Variants in ADAMTS19 observed in about 807,000 individuals in gnomAD.
ADAMTS19 encodes A disintegrin and metalloproteinase with thrombospondin motifs 19.
In ADAMTS19, 93 loss-of-function variants were observed where a neutral mutation model predicts 153.3. The ratio of observed to expected loss-of-function variants is 0.61; its 90% CI spans 0.51 to 0.72. ADAMTS19 has a LOEUF of 0.72. ADAMTS19 is among the 30% of genes least tolerant of loss of function. The pLI is 0.00. For missense variants in ADAMTS19, 1,482 were observed against 1,552.1 expected, an observed-to-expected ratio of 0.95 and a Z score of 0.76; for synonymous variants, 600 against 556.6, an observed-to-expected ratio of 1.08 and a Z score of -1.10.
chr5:129,710,300 T>C (rs1270718609), intron 21 of ADAMTS19, among the ~76,000 whole-genome samples: 1 of 152,192 alleles, frequency 6.6e-6, no homozygotes, highest in Admixed American at 6.5e-5. Flanking sequence ...AAAGACATGA[T>C]CTCATTCCTT....
intron 21 of ADAMTS19, among the ~76,000 whole-genome samples, chr5:129,706,399 G>T (rs912649911): frequency 6.6e-6 from 1 of 151,894 alleles, no homozygotes; most frequent in African/African-American, 2.4e-5. Context: ...GAGAAACCCC[G>T]TCTCTACTGA....
intron 16 of ADAMTS19, among the ~76,000 whole-genome samples, chr5:129,669,256 G>A (rs1231771554): frequency 6.6e-6 from 1 of 151,858 alleles, no homozygotes; most frequent in African/African-American, 2.4e-5. Context: ...TTTGTCCAGG[G>A]CTTTTGATTT....
chr5:129,510,220 T>G (rs1440293340), intron 3 of ADAMTS19, among the ~76,000 whole-genome samples: 1 of 151,888 alleles, frequency 6.6e-6, no homozygotes, highest in East Asian at 1.9e-4. Context: ...ATTAGATATG[T>G]GCATGGTGAC....
At chr5:129,647,147 A>T (rs990191811) in intron 11 of ADAMTS19, among the ~76,000 whole-genome samples, 2 of 151,320 alleles carry the variant, frequency 1.3e-5, no homozygotes, top group African/African-American at 4.9e-5. Flanking sequence ...TTCAGCATCT[A>T]ATTGCCCACG....
intron 8 of ADAMTS19, among the ~76,000 whole-genome samples, chr5:129,616,102 G>A (rs576677950): frequency 5.3e-5 from 8 of 151,794 alleles, no homozygotes; most frequent in East Asian, 1.9e-4. Flanking sequence ...AGTAAAAGTA[G>A]GTTTCATTGT....
intron 13 of ADAMTS19, among the ~76,000 whole-genome samples, chr5:129,652,550 A>C (rs1460386463): frequency 6.6e-6 from 1 of 152,248 alleles, no homozygotes. Context: ...CTGCCTGCCA[A>C]GTATGGCATG....
chr5:129,548,034 T>C (rs1454804338), intron 6 of ADAMTS19, among the ~76,000 whole-genome samples: 2 of 150,624 alleles, frequency 1.3e-5, no homozygotes, highest in Non-Finnish European at 2.9e-5. Flanking sequence ...TCAAGATGGA[T>C]TAAAGACTTA....
At chr5:129,629,615 C>T (rs1317966677) in intron 10 of ADAMTS19, among the ~76,000 whole-genome samples, 2 of 152,036 alleles carry the variant, frequency 1.3e-5, no homozygotes, top group Admixed American at 6.6e-5. Flanking sequence ...TAACAACTTA[C>T]ATCTGCAAAG....
At chr5:129,651,139 G>A (rs1753298997) in intron 13 of ADAMTS19, among the ~76,000 whole-genome samples, 1 of 152,034 alleles carries the variant, frequency 6.6e-6, no homozygotes, top group Admixed American at 6.6e-5. Context: ...TGTTTTCACT[G>A]TGCATTTTCT....
At chr5:129,693,044 A>G (rs554139739) in intron 18 of ADAMTS19, among the ~76,000 whole-genome samples, 1 of 152,364 alleles carries the variant, frequency 6.6e-6, no homozygotes, top group East Asian at 1.9e-4. Context: ...AATGGTTTTA[A>G]TAACATTATA....
intron 6 of ADAMTS19, among the ~76,000 whole-genome samples, chr5:129,546,739 AAT>A (rs1381702227): frequency 2.6e-5 from 4 of 151,216 alleles, no homozygotes; most frequent in Non-Finnish European, 5.9e-5. Context: ...GATGCTGAAG[AAT>A]GTACTTAAAG....
At chr5:129,664,327 C>T (rs1156440971) in intron 15 of ADAMTS19, among the ~76,000 whole-genome samples, 2 of 152,112 alleles carry the variant, frequency 1.3e-5, no homozygotes, top group East Asian at 1.9e-4. Flanking sequence ...TCTTACCTGA[C>T]TTCTGTGTGC....
At chr5:129,624,531 A>G (rs1183962218) in intron 10 of ADAMTS19, among the ~76,000 whole-genome samples, 2 of 152,190 alleles carry the variant, frequency 1.3e-5, no homozygotes, top group Non-Finnish European at 2.9e-5. Context: ...GGAGCATTGC[A>G]CAGGAGACAG....
chr5:129,721,757 C>A (rs1757013314), intron 21 of ADAMTS19, among the ~76,000 whole-genome samples: 1 of 152,068 alleles, frequency 6.6e-6, no homozygotes, highest in African/African-American at 2.4e-5. Context: ...CCCTCCCCTT[C>A]TCCACCCCCA....
rs1410282164 is a variant in ADAMTS19, at chr5:129,518,796, C to A, written c.914-7488C>A. 3.9e-5 allele frequency among the ~76,000 whole-genome samples: 6 copies of A among 151,902 alleles called. No homozygotes were observed. The East Asian group carries it at 1.2e-3, about 29-fold the overall frequency. ...TTTCTACCTTTATCTCTTTTTCTAC[C>A]TCTTCTTTAAGGCCAATAACTCTTA... On this transcript the variant is annotated intron_variant, in intron 3 of 22. Transcript: ENST00000274487.
At chr5:129,562,916 A>G (rs754349743) in intron 7 of ADAMTS19, among the ~76,000 whole-genome samples, 15 of 152,062 alleles carry the variant, frequency 9.9e-5, no homozygotes, top group Non-Finnish European at 1.5e-4. Context: ...GGAATGATCC[A>G]GGTTATTCTT....
chr5:129,598,696 G>A (rs1197388157), intron 8 of ADAMTS19, among the ~76,000 whole-genome samples: 1 of 152,104 alleles, frequency 6.6e-6, no homozygotes, highest in Non-Finnish European at 1.5e-5. Context: ...CAGTTGTGTT[G>A]AGAACTTAAA....
chr5:129,690,174 A>T (rs1368071453), intron 18 of ADAMTS19, among the ~76,000 whole-genome samples: 1 of 152,232 alleles, frequency 6.6e-6, no homozygotes, highest in Non-Finnish European at 1.5e-5. Context: ...GAGAACTCAC[A>T]GTCCATCTAG....
chr5:129,657,578 T>C (rs1753598824), intron 14 of ADAMTS19, among the ~76,000 whole-genome samples: 1 of 152,186 alleles, frequency 6.6e-6, no homozygotes, highest in South Asian at 2.1e-4. Flanking sequence ...CTTAGAAGAT[T>C]CCTATGAACG....
Sources: gnomAD v4.1 joint callset for allele counts (sites outside exome capture counted in the v4.1 genomes callset) on GRCh38, gnomAD v4.1.1 for gene constraint, MANE v1.5 for transcripts, NCBI Gene and HGNC (gene_info 2026-07-23, HGNC 2026-07-21) for gene names.